MYRIP: variants seen among roughly 807,000 people sequenced by gnomAD.
MYRIP encodes myosin VIIA and Rab interacting protein, also known as rab effector MyRIP.
In MYRIP, 49 loss-of-function variants were observed where a neutral mutation model predicts 98.0. That is an observed-to-expected ratio of 0.50 (90% confidence interval 0.40 to 0.63). The LOEUF is 0.63. MYRIP is among the 30% of genes least tolerant of loss of function. The probability of loss-of-function intolerance (pLI) is 0.00; values close to 1 mark genes in which losing one functional copy is unlikely to be tolerated. For missense variants in MYRIP, 1,004 were observed against 1,058.2 expected (o/e 0.95, Z 0.71); for synonymous variants, 404 against 409.5 (o/e 0.99, Z 0.16).
intron 10 of MYRIP, among the ~76,000 whole-genome samples, chr3:40,194,106 CT>C (rs1162466185): frequency 1.3e-5 from 2 of 151,738 alleles, no homozygotes; most frequent in Non-Finnish European, 2.9e-5. Flanking sequence ...CAGTTATTTC[CT>C]TTATTATTTT....
At chr3:40,224,746 A>G (rs1002663100) in intron 11 of MYRIP, among the ~76,000 whole-genome samples, 1 of 152,058 alleles carries the variant, frequency 6.6e-6, no homozygotes, top group Non-Finnish European at 1.5e-5. Context: ...GGATGACTTA[A>G]GAACCCAAAC....
intron 1 of MYRIP, among the ~76,000 whole-genome samples, chr3:39,867,495 TA>T (rs1293016120): frequency 1.3e-5 from 2 of 150,816 alleles, no homozygotes; most frequent in African/African-American, 4.9e-5. Context: ...AAATCCCATT[TA>T]AAAAATAGGC....
intron 7 of MYRIP, among the ~76,000 whole-genome samples, chr3:40,169,068 A>G (rs79784504): frequency 0.024 from 3,663 of 152,302 alleles, 55 homozygotes; most frequent in Non-Finnish European, 0.039. Flanking sequence ...CTAAGCAAAC[A>G]AATGATCTCC....
intron 4 of MYRIP, among the ~76,000 whole-genome samples, chr3:40,159,754 A>G (rs906979115): frequency 6.6e-6 from 1 of 151,966 alleles, no homozygotes; most frequent in African/African-American, 2.4e-5. Context: ...TTCATCTTCC[A>G]TCACTGATAC....
intron 2 of MYRIP, among the ~76,000 whole-genome samples, chr3:39,999,526 T>C (rs1052840435): frequency 2.0e-5 from 3 of 151,912 alleles, no homozygotes; most frequent in African/African-American, 4.8e-5. Flanking sequence ...CAGGAAAAAA[T>C]AGGTGCTGGA....
intron 2 of MYRIP, among the ~76,000 whole-genome samples, chr3:39,908,432 C>A (rs939318573): frequency 6.6e-6 from 1 of 152,110 alleles, no homozygotes; most frequent in Non-Finnish European, 1.5e-5. Context: ...ATCTTCCACC[C>A]CCCCCATTGC....
intron 8 of MYRIP, among the ~76,000 whole-genome samples, chr3:40,176,969 G>A (rs1344698160): frequency 2.0e-5 from 3 of 151,704 alleles, no homozygotes; most frequent in Non-Finnish European, 2.9e-5. Flanking sequence ...GCATGCCTGG[G>A]GAAAATGAAG....
chr3:40,089,853 G>A (rs901423446), intron 3 of MYRIP, among the ~76,000 whole-genome samples: 5 of 152,014 alleles, frequency 3.3e-5, no homozygotes, highest in Admixed American at 6.6e-5. Flanking sequence ...CCAAAATTAC[G>A]TAGAGGGTCT....
Position 39,811,944 on chromosome 3 carries a change from G to C in MYRIP, c.-31+2028G>C, listed in dbSNP as rs545352369. ...ATTCCCGATGGCTGAAAAATATCCC[G>C]TAGAAAACAAGGCTTCCCCCTGATT... is the stretch of plus-strand genomic sequence containing the variant. On this transcript the variant is annotated intron_variant, in intron 1 of 16. Coordinates refer to ENST00000302541, the MANE Select transcript of MYRIP (RefSeq NM_015460.4). 7.5e-4 allele frequency among the ~76,000 whole-genome samples: 114 copies of C among 152,204 alleles called. 1 individual carries two copies. Among genetic ancestry groups the C allele is most frequent in the African/African-American group, 2.7e-3 (111 of 41,536 alleles).
intron 4 of MYRIP, among the ~76,000 whole-genome samples, chr3:40,158,944 A>G (rs1219713168): frequency 4.6e-5 from 7 of 151,916 alleles, no homozygotes; most frequent in African/African-American, 1.7e-4. Flanking sequence ...TCTTGACTCT[A>G]TCCAATTTGC....
chr3:40,182,221 G>C lies in MYRIP; in HGVS notation c.875G>C (p.Arg292Thr), dbSNP rs1211234740. 6.2e-7 allele frequency: 1 copy of C among 1,606,382 alleles called. No homozygotes were observed. The highest frequency in any genetic ancestry group is 1.7e-5 in the Admixed American group (1 of 59,024). ...CCTTCCCCTCTTTCCTTTCCACAGAGGTCCCAGTCTGCCTTCTCAATCACT... is the reference window on the plus strand; with the variant it reads ...CCTTCCCCTCTTTCCTTTCCACAGACGTCCCAGTCTGCCTTCTCAATCACT... ...GGYRAPAALW[R>T]SQSAFSITGE... Residue 292 changes from arginine (R) to threonine (T), a missense_variant and splice_region_variant, in exon 9 of 17, where the codon AGG becomes ACG. By Grantham distance (71) the Arg-to-Thr change is moderately conservative (BLOSUM62 -1). This residue lies in a region of MYRIP where 880 missense variants were observed against 907.7 expected (regional missense o/e 0.97). Coordinates refer to ENST00000302541, the MANE Select transcript of MYRIP (RefSeq NM_015460.4).
Position 39,942,628 on chromosome 3 carries a change from C to A in MYRIP, c.110+41702C>A, listed in dbSNP as rs139468451. Among the ~76,000 whole-genome samples, 617 of 152,186 alleles carry A rather than the reference C, an allele frequency of 4.1e-3. 3 individuals are homozygous for A. The highest frequency in any genetic ancestry group is 0.014 in the African/African-American group (593 of 41,518). On this transcript the variant is annotated intron_variant, in intron 2 of 16. Transcript: ENST00000302541. ...TCAGGGTAATTGGGATTTCTATCTC[C>A]TTAAACATTTATCTTTTATTTATGC...
chr3:40,105,190 T>C (rs148999854), intron 3 of MYRIP, among the ~76,000 whole-genome samples: 80 of 152,356 alleles, frequency 5.3e-4, no homozygotes, highest in African/African-American at 1.8e-3. Context: ...TAAAGCCATA[T>C]TTCTATTATT....
intron 3 of MYRIP, among the ~76,000 whole-genome samples, chr3:40,050,966 T>C (rs1947783704): frequency 1.3e-5 from 2 of 151,812 alleles, no homozygotes; most frequent in Admixed American, 6.6e-5. Context: ...AGGTGAAGAG[T>C]TGCCTGTTAC....
intron 2 of MYRIP, among the ~76,000 whole-genome samples, chr3:39,902,397 T>C (rs1943763422): frequency 6.6e-6 from 1 of 152,222 alleles, no homozygotes. Context: ...TTGTGGTCAC[T>C]ATTTTACATT....
chr3:39,969,975 T>G (rs115869841), intron 2 of MYRIP: 2 of 152,286 alleles, frequency 1.3e-5, no homozygotes, highest in Admixed American at 6.5e-5. Flanking sequence ...GGTAGGCTGT[T>G]TATTACTGAT....
intron 2 of MYRIP, among the ~76,000 whole-genome samples, chr3:40,024,865 G>A (rs1411344217): frequency 6.6e-6 from 1 of 152,212 alleles, no homozygotes; most frequent in African/African-American, 2.4e-5. Flanking sequence ...AGCACCTGCT[G>A]TGGAGCAGAA....
intron 9 of MYRIP, among the ~76,000 whole-genome samples, chr3:40,188,056 C>A (rs1575608401): frequency 6.6e-6 from 1 of 152,288 alleles, no homozygotes; most frequent in Non-Finnish European, 1.5e-5. Context: ...GTGAAAGCCC[C>A]ACTTCCTGAC....
intron 1 of MYRIP, among the ~76,000 whole-genome samples, chr3:39,821,321 C>T (rs1433188041): frequency 1.3e-5 from 2 of 151,904 alleles, no homozygotes; most frequent in East Asian, 1.9e-4. Flanking sequence ...TGCCCACCCC[C>T]GACCCCTGTA....
Sources: gnomAD v4.1 joint callset for allele counts (sites outside exome capture counted in the v4.1 genomes callset) on GRCh38, gnomAD v4.1.1 for gene constraint, gnomAD v4.1.1 regional missense constraint, MANE v1.5 for transcripts, NCBI Gene and HGNC (gene_info 2026-07-23, HGNC 2026-07-21) for gene names.